Variants in ACTR8 observed in about 807,000 individuals in gnomAD.
The protein encoded by ACTR8 is actin-related protein 8.
Under a neutral mutation model 84.3 loss-of-function variants are expected in ACTR8, and 70 were observed. That is an observed-to-expected ratio of 0.83 (90% CI 0.68 to 1.01). The LOEUF is 1.01. Ranked by LOEUF, ACTR8 falls within the 50% of genes least tolerant of loss-of-function variation. The pLI is 0.00. For synonymous variants in ACTR8, 268 were observed against 275.2 expected (o/e 0.97, Z 0.26); for missense variants, 672 against 775.4 (o/e 0.87, Z 1.58).
chr3:53,862,680 C>T (rs140989486), downstream of ACTR8, among the ~76,000 whole-genome samples: 1 of 152,288 alleles, frequency 6.6e-6, no homozygotes, highest in Non-Finnish European at 1.5e-5. Context: ...GAAGACGACA[C>T]AGAAGCAGCA....
intron 1 of ACTR8, chr3:53,881,643 C>G: frequency 2.3e-6 from 1 of 426,448 alleles, no homozygotes; most frequent in Non-Finnish European, 4.3e-6. Flanking sequence ...CTCACGGCAA[C>G]TTGCGAGGCG....
At chr3:53,866,631 A>ATG (rs1699790089), downstream of ACTR8, among the ~76,000 whole-genome samples, 1 of 146,590 alleles carries the variant, frequency 6.8e-6, no homozygotes, top group African/African-American at 2.5e-5. Context: ...ACAGGCACCC[A>ATG]CCACCACACC....
In ACTR8 at chr3:53,882,025, ACGCCGCGCTGCTCCTTCTCCTTCT is replaced by A; in HGVS notation, c.53_76del (p.Glu18_Gly25del). On this transcript the variant is annotated inframe_deletion, in exon 1 of 13. Coordinates refer to ENST00000335754, the MANE Select transcript of ACTR8 (RefSeq NM_022899.5). Reference sequence around the variant, plus strand: ...CAGCGCGGGCACGATGGGCCGCTTCACGCCGCGCTGCTCCTTCTCCTTCTCGCCGCCCTTCTCCTTTCCGTTCTC... The same window carrying A: ...CAGCGCGGGCACGATGGGCCGCTTCACGCCGCCCTTCTCCTTTCCGTTCTC... 1 of 1,551,842 alleles carries A rather than the reference ACGCCGCGCTGCTCCTTCTCCTTCT, an allele frequency of 6.4e-7. No individual in the cohort carries two copies. Among genetic ancestry groups the A allele is most frequent in the Non-Finnish European group, 8.7e-7 (1 of 1,146,986 alleles).
chr3:53,875,388 C>G (rs1210432029), intron 7 of ACTR8, among the ~76,000 whole-genome samples: 1 of 152,164 alleles, frequency 6.6e-6, no homozygotes, highest in Admixed American at 6.5e-5. Flanking sequence ...GAGCCCATAC[C>G]TGCATTACCT....
chr3:53,881,887 G>C (rs1700068025), intron 1 of ACTR8, 92 bp downstream of exon 1: 1 of 1,534,424 alleles, frequency 6.5e-7, no homozygotes, highest in South Asian at 1.2e-5. Flanking sequence ...GCCTGCAAGG[G>C]GGACTCGAAG....
At position 53,871,338 on chromosome 3, in the gene ACTR8, G is replaced by A. The variant is rs767573812; in HGVS notation, c.1461C>T (p.Ser487=). 99 of 1,614,114 alleles carry A rather than the reference G, an allele frequency of 6.1e-5. No individual in the cohort carries two copies. The highest frequency in any genetic ancestry group is 1.7e-4 in the Admixed American group (10 of 60,016). The part of the protein sequence containing the change: ...QGDGLMAGND[S]EEALTALMSR... ...ACATCAGTGCAGTGAGGGCCTCCTC[G>A]GAATCGTTGCCGGCCATCAGGCCAT... Residue 487 remains serine (S), a synonymous_variant, in exon 11 of 13, where the codon TCC becomes TCT. Coordinates refer to ENST00000335754, the MANE Select transcript of ACTR8 (RefSeq NM_022899.5).
At position 53,868,814 on chromosome 3, in the gene ACTR8, A is replaced by C. The variant is rs1385458995; in HGVS notation, c.1780T>G (p.Cys594Gly). 1 of 1,614,066 alleles carries C rather than the reference A, an allele frequency of 6.2e-7. No homozygotes were observed. The highest frequency in any genetic ancestry group is 8.5e-7 in the Non-Finnish European group (1 of 1,180,038). The change falls in exon 13 of 13, where the codon TGT becomes GGT. Residue 594 changes from cysteine (C) to glycine (G), a missense_variant. By Grantham distance (159) the Cys-to-Gly change is radical. Transcript: ENST00000335754. ...CACAGTTCCTGTGTTGTATCCAAAC[A>C]AGCCAACACTGCCCCTCCTTTCCAT... ...IAWKGGAVLA[C>G]LDTTQELWIY...
chr3:53,865,002 C>T (rs1222957172), downstream of ACTR8: 4 of 1,614,158 alleles, frequency 2.5e-6, no homozygotes, highest in South Asian at 4.4e-5. Context: ...ATGACGTCAA[C>T]AGTGTGTGCG....
rs186060901 is a variant in ACTR8, at chr3:53,871,700, T to C, written c.1303-204A>G. Among the ~76,000 whole-genome samples, 10 of 152,318 alleles carry C rather than the reference T, an allele frequency of 6.6e-5. No homozygotes were observed. In the South Asian group the frequency reaches 1.7e-3, roughly 25 times the overall value. On this transcript the variant is annotated intron_variant, in intron 10 of 12. Coordinates refer to ENST00000335754, the MANE Select transcript of ACTR8 (RefSeq NM_022899.5). ...ATGCTTTGACCATTCCAAAGCAAGG[T>C]AGCTGCTGGTAGGCAGGGTAGCTCT...
chr3:53,877,125 G>A, intron 5 of ACTR8, 89 bp downstream of exon 5: 1 of 1,274,400 alleles, frequency 7.8e-7, no homozygotes. Flanking sequence ...TTTCAAGAAG[G>A]ACACTATATT....
At position 53,877,263 on chromosome 3, in the gene ACTR8, C is replaced by G; in HGVS notation, c.635G>C (p.Trp212Ser). 1.9e-6 allele frequency: 3 copies of G among 1,613,428 alleles called. No individual in the cohort carries two copies. The highest frequency in any genetic ancestry group is 2.5e-6 in the Non-Finnish European group (3 of 1,179,778). Residue 212 changes from tryptophan (W) to serine (S), a missense_variant, in exon 5 of 13, where the codon TGG (tryptophan) becomes TCG (serine). Coordinates refer to ENST00000335754, the MANE Select transcript of ACTR8 (RefSeq NM_022899.5). ...CAAGTATTTTTGTATCGCATGAGACCATATTACTTCAATATCTGCCAGAAC... is the reference window on the plus strand; with the variant it reads ...CAAGTATTTTTGTATCGCATGAGACGATATTACTTCAATATCTGCCAGAAC... ...TAVLADIEVI[W>S]SHAIQKYLEI...
At chr3:53,874,668 G>A (rs1392942399) in intron 7 of ACTR8, among the ~76,000 whole-genome samples, 9 of 151,950 alleles carry the variant, frequency 5.9e-5, no homozygotes. Flanking sequence ...AGGTTGCAGT[G>A]AGCCAAGAGG....
intron 10 of ACTR8, 59 bp from the exon 11 acceptor site, chr3:53,871,555 T>A: frequency 6.3e-7 from 1 of 1,583,620 alleles, no homozygotes; most frequent in Non-Finnish European, 8.6e-7. Flanking sequence ...ACTATTGATG[T>A]TGTCTAGCTA....
At chr3:53,874,189 G>C (rs747521049) in intron 8 of ACTR8, 22 bp downstream of exon 8, 2 of 1,588,350 alleles carry the variant, frequency 1.3e-6, no homozygotes, top group East Asian at 4.5e-5. Flanking sequence ...AAAATAATCA[G>C]CAATATTGAT....
chr3:53,864,894 T>C (rs1436972943), downstream of ACTR8: 1 of 1,614,180 alleles, frequency 6.2e-7, no homozygotes, highest in Non-Finnish European at 8.5e-7. Context: ...AGGTCATCCT[T>C]GAAAAGTGGC....
chr3:53,876,245 G>A (rs1017814120), intron 6 of ACTR8, among the ~76,000 whole-genome samples, 165 bp from the exon 7 acceptor site: 1 of 152,128 alleles, frequency 6.6e-6, no homozygotes, highest in Non-Finnish European at 1.5e-5. Context: ...TAGGCCCGGC[G>A]CGGTGGCTCA....
chr3:53,863,517 GGCACCT>G (rs1245175336), downstream of ACTR8, among the ~76,000 whole-genome samples: 1 of 152,168 alleles, frequency 6.6e-6, no homozygotes, highest in Non-Finnish European at 1.5e-5. Context: ...AAGCCACAGG[GGCACCT>G]GGACCTCAGG....
downstream of ACTR8, among the ~76,000 whole-genome samples, chr3:53,866,476 A>T (rs11927268): frequency 4.6e-5 from 7 of 151,956 alleles, no homozygotes; most frequent in East Asian, 2.0e-4. Context: ...CATCTTTTTT[A>T]AATTTTTTAA....
chr3:53,866,529 T>C (rs921411274), downstream of ACTR8, among the ~76,000 whole-genome samples: 3 of 152,086 alleles, frequency 2.0e-5, no homozygotes, highest in Non-Finnish European at 4.4e-5. Context: ...TCACCCAGGC[T>C]GGAGTGCAGT....
Sources: gnomAD v4.1 joint callset for allele counts (sites outside exome capture counted in the v4.1 genomes callset) on GRCh38, gnomAD v4.1.1 for gene constraint, MANE v1.5 for transcripts, NCBI Gene and HGNC (gene_info 2026-07-23, HGNC 2026-07-21) for gene names.